Variants in FLG observed in about 807,000 individuals in gnomAD.
The protein encoded by FLG is filaggrin, also known as epidermal filaggrin.
In FLG, 6 loss-of-function variants were observed where a neutral mutation model predicts 3.8. That is an observed-to-expected ratio of 1.60 (90% CI 0.87 to 3.15). FLG has a LOEUF of 3.15. Ranked by LOEUF, FLG falls within the 30% of genes most tolerant of loss-of-function variation. FLG has a pLI of 0.00. For missense variants in FLG, 7,595 were observed against 5,050.9 expected (o/e 1.50, Z -15.27); for synonymous variants, 2,551 against 1,931.6 (o/e 1.32, Z -8.41).
Position 152,310,532 on chromosome 1 carries a change from C to G in FLG, c.4354G>C (p.Glu1452Gln), listed in dbSNP as rs1219330641. 2.5e-6 allele frequency: 4 copies of G among 1,613,692 alleles called. No homozygotes were observed. Among genetic ancestry groups the G allele is most frequent in the Non-Finnish European group, 3.4e-6 (4 of 1,179,912 alleles). Residue 1452 changes from glutamate to glutamine, a missense_variant, in exon 3 of 3, where the codon GAG (glutamate) becomes CAG (glutamine). Coordinates refer to ENST00000368799, the MANE Select transcript of FLG (RefSeq NM_002016.2). ...GGTGCAGTCTGTCCGTGTGTGGACT[C>G]AGACTGTTCATGAGAGCTCACCTGG... The part of the protein sequence containing the change: ...LYQVSSHEQS[E>Q]STHGQTAPST...
Position 152,312,413 on chromosome 1 carries a change from C to A in FLG, c.2473G>T (p.Ala825Ser), listed in dbSNP as rs1223941252. The change falls in exon 3 of 3, where the codon GCA becomes TCA. Residue 825 changes from alanine to serine, a missense_variant. Physicochemically the swap from Ala to Ser is moderately conservative, Grantham distance 99. Transcript: ENST00000368799. ...GCTGAGTGCCTGGAGTTGTCTCGTGCCTGCTCATGGTGGGATCCTTGTCTT... is the reference window on the plus strand; with the variant it reads ...GCTGAGTGCCTGGAGTTGTCTCGTGACTGCTCATGGTGGGATCCTTGTCTT... ...GVRQGSHHEQARDNSRHSASQ... is the reference protein window; with the variant it reads ...GVRQGSHHEQSRDNSRHSASQ... The A allele has an allele frequency of 6.2e-7, 1 of 1,613,434 alleles. No individual in the cohort carries two copies. Among genetic ancestry groups the A allele is most frequent in the Non-Finnish European group, 8.5e-7 (1 of 1,179,836 alleles).
chr1:152,305,178 G>A lies in FLG; in HGVS notation c.9708C>T (p.Ser3236=). The A allele has an allele frequency of 6.2e-7, 1 of 1,613,704 alleles. No homozygotes were observed. Among genetic ancestry groups the A allele is most frequent in the Non-Finnish European group, 8.5e-7 (1 of 1,179,956 alleles). Residue 3236 remains serine, a synonymous_variant, in exon 3 of 3, where the codon TCC becomes TCT. Transcript: ENST00000368799. The part of the protein sequence containing the change: ...EDSERWSGSA[S]RNHRGSVQEQ... Reference sequence around the variant, plus strand: ...CCTGAACAGATCCACGATGGTTTCTGGAAGCAGACCCAGACCACCTCTCAG... The same window carrying A: ...CCTGAACAGATCCACGATGGTTTCTAGAAGCAGACCCAGACCACCTCTCAG...
Position 152,312,714 on chromosome 1 carries a change from G to A in FLG, c.2172C>T (p.Gly724=), listed in dbSNP as rs756276659. 6.2e-6 allele frequency: 10 copies of A among 1,613,970 alleles called. No individual in the cohort carries two copies. The Admixed American group carries it at 1.7e-4, about 27-fold the overall frequency. ...LQSADSSRHS[G]TGHGQASSAV... is the part of the protein sequence containing the mutation. ...CAGATGAAGCTTGTCCGTGCCCAGT[G>A]CCTGAGTGTCTGGAGCTGTCTGCTG... The change falls in exon 3 of 3, where the codon GGC becomes GGT. Residue 724 remains glycine, a synonymous_variant. Transcript: ENST00000368799.
At position 152,313,067 on chromosome 1, in the gene FLG, G is replaced by T. The variant is rs113473008; in HGVS notation, c.1819C>A (p.Gln607Lys). The change falls in exon 3 of 3, where the codon CAA (glutamine) becomes AAA (lysine). Residue 607 changes from glutamine to lysine, a missense_variant. Transcript: ENST00000368799. The stretch of plus-strand genomic sequence containing the variant: ...CTACTTGTCCTGGGCCCCGATGATT[G>T]TCCCTGGCCCACCTGTGAGTGTCTA... ...SSRHSQVGQGQSSGPRTSRNQ... is the reference protein window; with the variant it reads ...SSRHSQVGQGKSSGPRTSRNQ... The T allele has an allele frequency of 2.5e-5, 40 of 1,613,844 alleles. No individual in the cohort carries two copies. The highest frequency in any genetic ancestry group is 3.1e-5 in the Non-Finnish European group (37 of 1,180,014).
Position 152,313,617 on chromosome 1 carries a change from A to G in FLG, c.1269T>C (p.Ser423=), listed in dbSNP as rs751067310. 1 of 1,610,408 alleles carries G rather than the reference A, an allele frequency of 6.2e-7. No homozygotes were observed. Residue 423 remains serine, a synonymous_variant, in exon 3 of 3, where the codon AGT becomes AGC. Transcript: ENST00000368799. ...GHRGSSGSQA[S]DSEGHSENSD... Reference sequence around the variant, plus strand: ...AGTTTTCTGAATGTCCCTCACTGTCACTGGCCTGACTACCGCTAGACCCCC... The same window carrying G: ...AGTTTTCTGAATGTCCCTCACTGTCGCTGGCCTGACTACCGCTAGACCCCC...
In FLG at chr1:152,312,686, C is replaced by T. The variant is rs138344239; in HGVS notation, c.2200G>A (p.Val734Ile). The T allele has an allele frequency of 7.4e-5, 119 of 1,614,018 alleles. No homozygotes were observed. The highest frequency in any genetic ancestry group is 1.0e-4 in the Admixed American group (6 of 60,008). Residue 734 changes from valine (V) to isoleucine (I), a missense_variant, in exon 3 of 3, where the codon GTC (valine) becomes ATC (isoleucine). By Grantham distance (29) the Val-to-Ile change is conservative. Transcript: ENST00000368799. ...GACCCTCGGTGTCCACTGTCTCTGA[C>T]TGCAGATGAAGCTTGTCCGTGCCCA... ...GTGHGQASSA[V>I]RDSGHRGSSG...
Position 152,308,176 on chromosome 1 carries a change from C to A in FLG, c.6710G>T (p.Arg2237Met), listed in dbSNP as rs143938495. ...QGQSSGPRTS[R>M]PRGSSVSQDS... ...CTGGCTAACACTGGATCCCCGGGGC[C>A]TGCTTGTCCTGGGCCCTGATGATTG... is the stretch of plus-strand genomic sequence containing the variant. Residue 2237 changes from arginine (R) to methionine (M), a missense_variant, in exon 3 of 3, where the codon AGG becomes ATG. Transcript: ENST00000368799. 18 of 1,613,894 alleles carry A rather than the reference C, an allele frequency of 1.1e-5. No individual in the cohort carries two copies. The African/African-American group carries it at 2.4e-4, about 22-fold the overall frequency.
At position 152,310,223 on chromosome 1, in the gene FLG, T is replaced by C. The variant is rs1425306722; in HGVS notation, c.4663A>G (p.Arg1555Gly). 6.2e-7 allele frequency: 1 copy of C among 1,613,908 alleles called. No homozygotes were observed. Among genetic ancestry groups the C allele is most frequent in the Non-Finnish European group, 8.5e-7 (1 of 1,179,980 alleles). Residue 1555 changes from arginine (R) to glycine (G), a missense_variant, in exon 3 of 3, where the codon AGG (arginine) becomes GGG (glycine). Coordinates refer to ENST00000368799, the MANE Select transcript of FLG (RefSeq NM_002016.2). ...TCATGGTGACGTGACCCTGAGTGCC[T>C]GGAGCCGTCTCCTGATTGTTCCTCA... ...RNEEQSGDGS[R>G]HSGSRHHEPS...
In FLG at chr1:152,305,642, TG is replaced by T. The variant is rs1557872229; in HGVS notation, c.9243del (p.Ser3082AlafsTer49). The T allele has an allele frequency of 6.9e-7, 1 of 1,457,814 alleles. No individual in the cohort carries two copies. The highest frequency in any genetic ancestry group is 2.0e-5 in the African/African-American group (1 of 49,036). 90.3% of individuals were successfully genotyped at this position (1,457,814 alleles called of 1,614,324 possible). On this transcript the variant is annotated frameshift_variant, in exon 3 of 3. Coordinates refer to ENST00000368799, the MANE Select transcript of FLG (RefSeq NM_002016.2). LOFTEE classifies it low-confidence loss of function (END_TRUNC). ...QSESSHGWTGPSTRGRQGSRH... is the reference protein window; with the variant it reads ...QSESSHGWTGXSTRGRQGSRH... Reference sequence around the variant, plus strand: ...CGGGATCCTTGTCTTCCTCTAGTGCTGGGCCCCGTCCATCCATGGGAGGACT... The same window carrying T: ...CGGGATCCTTGTCTTCCTCTAGTGCTGGCCCCGTCCATCCATGGGAGGACT...
At position 152,303,832 on chromosome 1, in the gene FLG, G is replaced by T; in HGVS notation, c.11054C>A (p.Ala3685Asp). 7 of 1,613,890 alleles carry T rather than the reference G, an allele frequency of 4.3e-6. No homozygotes were observed. The highest frequency in any genetic ancestry group is 5.9e-6 in the Non-Finnish European group (7 of 1,179,948). ...TTGGTGGCTCTGCTGATGGGGCCCA[G>T]CCTGTCCGTGGGCTGACACTGACTG... ...DTQSVSAHGQ[A>D]GPHQQSHQES... Residue 3685 changes from alanine (A) to aspartate (D), a missense_variant, in exon 3 of 3, where the codon GCT (alanine) becomes GAT (aspartate). Transcript: ENST00000368799.
At chr1:152,314,902 T>C (rs1158831648) in intron 2 of FLG, 155 bp from the exon 3 acceptor site, 2 of 820,962 alleles carry the variant, frequency 2.4e-6, no homozygotes, top group Non-Finnish European at 3.8e-6. Flanking sequence ...TCATCCTCAT[T>C]CAGGTGTTAT....
In FLG at chr1:152,314,094, A is replaced by G. The variant is rs1280287397; in HGVS notation, c.792T>C (p.Asp264=). The G allele has an allele frequency of 3.1e-6, 5 of 1,614,218 alleles. No individual in the cohort carries two copies. Among genetic ancestry groups the G allele is most frequent in the Non-Finnish European group, 2.5e-6 (3 of 1,180,038 alleles). The change falls in exon 3 of 3, where the codon GAT becomes GAC. Residue 264 remains aspartate, a synonymous_variant. Coordinates refer to ENST00000368799, the MANE Select transcript of FLG (RefSeq NM_002016.2). ...NKIYERSRSS[D]GKSSSQVNRS... is the part of the protein sequence containing the mutation. ...TGTTCACTTGAGATGATGATTTGCCATCAGATGACCTTGATCTTTCATATA... is the reference window on the plus strand; with the variant it reads ...TGTTCACTTGAGATGATGATTTGCCGTCAGATGACCTTGATCTTTCATATA...
Position 152,312,747 on chromosome 1 carries a change from C to G in FLG, c.2139G>C (p.Gln713His), listed in dbSNP as rs574606881. ...GTCTGGAGCTGTCTGCTGACTGGAG[C>G]TGGTGGCGGGATCCATGTCTTTCTC... is the stretch of plus-strand genomic sequence containing the variant. ...SAGERHGSRH[Q>H]LQSADSSRHS... is the part of the protein sequence containing the mutation. Residue 713 changes from glutamine to histidine, a missense_variant, in exon 3 of 3, where the codon CAG (glutamine) becomes CAC (histidine). Gln to His is a conservative substitution (Grantham distance 24). Transcript: ENST00000368799. 27 of 1,613,962 alleles carry G rather than the reference C, an allele frequency of 1.7e-5. No individual in the cohort carries two copies. The South Asian group carries it at 3.0e-4, about 18-fold the overall frequency.
rs951162985 is a variant in FLG at position 152,310,517 on chromosome 1, G to C, written c.4369C>G (p.Gln1457Glu). The change falls in exon 3 of 3, where the codon CAG becomes GAG. Residue 1457 changes from glutamine (Q) to glutamate (E), a missense_variant. Coordinates refer to ENST00000368799, the MANE Select transcript of FLG (RefSeq NM_002016.2). ...CTTCCTCCAGTGCTGGGTGCAGTCTGTCCGTGTGTGGACTCAGACTGTTCA... is the reference window on the plus strand; with the variant it reads ...CTTCCTCCAGTGCTGGGTGCAGTCTCTCCGTGTGTGGACTCAGACTGTTCA... ...SHEQSESTHG[Q>E]TAPSTGGRQG... 1 of 1,613,712 alleles carries C rather than the reference G, an allele frequency of 6.2e-7. No homozygotes were observed. Among genetic ancestry groups the C allele is most frequent in the Non-Finnish European group, 8.5e-7 (1 of 1,179,922 alleles).
rs755972089 is a variant in FLG, at chr1:152,303,197, C to T, written c.11689G>A (p.Asp3897Asn). 2.5e-6 allele frequency: 4 copies of T among 1,614,140 alleles called. No individual in the cohort carries two copies. The African/African-American group carries it at 5.3e-5, about 22-fold the overall frequency. Residue 3897 changes from aspartate to asparagine, a missense_variant, in exon 3 of 3, where the codon GAT becomes AAT. By Grantham distance (23) the Asp-to-Asn change is conservative. Coordinates refer to ENST00000368799, the MANE Select transcript of FLG (RefSeq NM_002016.2). Reference sequence around the variant, plus strand: ...GAGGATCCGGGGTGTCTGGAGCCATCTCTTGACTGCTCCCGAGAAGATCCA... The same window carrying T: ...GAGGATCCGGGGTGTCTGGAGCCATTTCTTGACTGCTCCCGAGAAGATCCA... The part of the protein sequence containing the change: ...HHGSSREQSR[D>N]GSRHPGSSHR...
Position 152,311,226 on chromosome 1 carries a change from A to T in FLG, c.3660T>A (p.Thr1220=), listed in dbSNP as rs1338203842. Residue 1220 remains threonine, a synonymous_variant, in exon 3 of 3, where the codon ACT becomes ACA. Coordinates refer to ENST00000368799, the MANE Select transcript of FLG (RefSeq NM_002016.2). ...CGTCTCCTGATTGTTTGTCCTTACG[A>T]GTTTGTCTGCTTGCACTTCTGGATC... ...QSGSRSASRQ[T]RKDKQSGDGS... is the part of the protein sequence containing the mutation. 18 of 1,612,024 alleles carry T rather than the reference A, an allele frequency of 1.1e-5. No homozygotes were observed. The highest frequency in any genetic ancestry group is 1.0e-4 in the Admixed American group (6 of 59,848).
chr1:152,319,388 T>C (rs1308221363), intron 1 of FLG, among the ~76,000 whole-genome samples: 1 of 151,012 alleles, frequency 6.6e-6, no homozygotes, highest in Non-Finnish European at 1.5e-5. Flanking sequence ...TTATTGGGGC[T>C]TACATTCAGA....
At position 152,313,659 on chromosome 1, in the gene FLG, G is replaced by A; in HGVS notation, c.1227C>T (p.Val409=). 2 of 1,614,110 alleles carry A rather than the reference G, an allele frequency of 1.2e-6. No homozygotes were observed. Among genetic ancestry groups the A allele is most frequent in the Non-Finnish European group, 1.7e-6 (2 of 1,180,012 alleles). ...TAGACCCCCGGTGTCCACGATCGCT[G>A]ACTGCAGATGAAGCTTGCCCGCGCC... ...ATGRGQASSA[V]SDRGHRGSSG... The change falls in exon 3 of 3, where the codon GTC becomes GTT. Residue 409 remains valine (V), a synonymous_variant. Coordinates refer to ENST00000368799, the MANE Select transcript of FLG (RefSeq NM_002016.2).
In FLG at chr1:152,307,973, G is replaced by T; in HGVS notation, c.6913C>A (p.His2305Asn). The T allele has an allele frequency of 1.2e-6, 2 of 1,614,184 alleles. No individual in the cohort carries two copies. Among genetic ancestry groups the T allele is most frequent in the Non-Finnish European group, 1.7e-6 (2 of 1,180,040 alleles). Residue 2305 changes from histidine (H) to asparagine (N), a missense_variant, in exon 3 of 3, where the codon CAT (histidine) becomes AAT (asparagine). Transcript: ENST00000368799. ...SAESSRQSGTHHAENSSGGQA... is the reference protein window; with the variant it reads ...SAESSRQSGTNHAENSSGGQA... Reference sequence around the variant, plus strand: ...CCACCAGAGGAATTCTCTGCATGATGAGTGCCTGATTGTCTGGAGCTCTCT... The same window carrying T: ...CCACCAGAGGAATTCTCTGCATGATTAGTGCCTGATTGTCTGGAGCTCTCT...
Sources: gnomAD v4.1 joint callset for allele counts (sites outside exome capture counted in the v4.1 genomes callset) on GRCh38, gnomAD v4.1.1 for gene constraint, MANE v1.5 for transcripts, NCBI Gene and HGNC (gene_info 2026-07-23, HGNC 2026-07-21) for gene names.